Variants in SEMA5A observed in about 807,000 individuals in gnomAD.
SEMA5A encodes semaphorin 5A.
A neutral mutation model predicts 135.5 loss-of-function variants in SEMA5A; 55 were observed. The observed-to-expected ratio is 0.41, with a 90% CI of 0.33 to 0.51. SEMA5A has a LOEUF of 0.51. SEMA5A is among the 20% of genes least tolerant of loss of function. SEMA5A has a pLI of 0.37. For synonymous variants in SEMA5A, 580 were observed against 546.5 expected, an observed-to-expected ratio of 1.06 and a Z score of -0.85; for missense variants, 1,290 against 1,419.9, an observed-to-expected ratio of 0.91 and a Z score of 1.47.
At chr5:9,485,619 C>T (rs185812549) in intron 1 of SEMA5A, among the ~76,000 whole-genome samples, 42 of 152,270 alleles carry the variant, frequency 2.8e-4, no homozygotes, top group African/African-American at 7.2e-4. Flanking sequence ...CCAGGGTGAC[C>T]GCTTGGGCTA....
At chr5:9,139,477 T>C (rs1442148833) in intron 12 of SEMA5A, among the ~76,000 whole-genome samples, 1 of 152,222 alleles carries the variant, frequency 6.6e-6, no homozygotes, top group East Asian at 1.9e-4. Flanking sequence ...TTCCCAATTG[T>C]CTGTTTTCAT....
In SEMA5A at chr5:9,042,960, A is replaced by G; in HGVS notation, c.3162T>C (p.His1054=). ...LEERNKYFNP[H]LTGKTYSNAY... ...CATTAGAATAGGTCTTCCCAGTGAG[A>G]TGTGGGTTGAAGTATTTGTTTCTTT... is the stretch of plus-strand genomic sequence containing the variant. The change falls in exon 23 of 23, where the codon CAT becomes CAC. Residue 1054 remains histidine, a synonymous_variant. Transcript: ENST00000382496. The G allele has an allele frequency of 6.2e-7, 1 of 1,612,742 alleles. No homozygotes were observed. The highest frequency in any genetic ancestry group is 1.1e-5 in the South Asian group (1 of 91,048).
At chr5:9,357,941 G>A (rs1264321738) in intron 3 of SEMA5A, among the ~76,000 whole-genome samples, 1 of 152,230 alleles carries the variant, frequency 6.6e-6, no homozygotes, top group African/African-American at 2.4e-5. Flanking sequence ...CAGGAATTAT[G>A]ATCAGTGCAT....
At chr5:9,512,998 G>A (rs1488715471) in intron 1 of SEMA5A, among the ~76,000 whole-genome samples, 1 of 150,834 alleles carries the variant, frequency 6.6e-6, no homozygotes, top group Non-Finnish European at 1.5e-5. Flanking sequence ...AGAATAAAAG[G>A]AAGCCAAATC....
At chr5:9,136,405 G>A (rs1020714978) in intron 13 of SEMA5A, 99 bp downstream of exon 13, 25 of 1,009,158 alleles carry the variant, frequency 2.5e-5, no homozygotes, top group African/African-American at 4.7e-5. Flanking sequence ...GTTCTCATAT[G>A]AAAAGGTGCA....
chr5:9,408,222 C>A lies in SEMA5A; in HGVS notation c.-77-28199G>T, dbSNP rs764730711. Among the ~76,000 whole-genome samples, 36 of 152,148 alleles carry A rather than the reference C, an allele frequency of 2.4e-4. 1 individual carries two copies. The highest frequency in any genetic ancestry group is 3.7e-4 in the Non-Finnish European group (25 of 68,014). ...ACCATCACCACCACCACCACTACAG[C>A]TAGCTAGAAGTCTCACTCTCCACAG... On this transcript the variant is annotated intron_variant, in intron 2 of 22. Transcript: ENST00000382496.
intron 4 of SEMA5A, among the ~76,000 whole-genome samples, chr5:9,332,781 T>G (rs1753212108): frequency 6.6e-6 from 1 of 152,272 alleles, no homozygotes. Flanking sequence ...CTTAATGTTC[T>G]CATTTTGTGA....
intron 2 of SEMA5A, among the ~76,000 whole-genome samples, chr5:9,417,907 G>C (rs1393202518): frequency 1.3e-5 from 2 of 152,110 alleles, no homozygotes; most frequent in African/African-American, 4.8e-5. Flanking sequence ...TTCCTGGTTT[G>C]GAGGTGGTGT....
At position 9,042,211 on chromosome 5, in the gene SEMA5A, C is replaced by T. The variant is rs1298207731; in HGVS notation, c.*686G>A. The T allele has an allele frequency of 6.6e-6, 1 of 152,634 alleles. No individual in the cohort carries two copies. Among genetic ancestry groups the T allele is most frequent in the African/African-American group, 2.4e-5 (1 of 41,470 alleles). The allele number at this position is 152,634 out of a possible 1,614,324, so 9.5% of individuals were successfully genotyped here. ...CAGAACACATCCACGCTTCATTGTG[C>T]CTGAGCCTCTGCTCCGCTGCCTCCA... is the stretch of plus-strand genomic sequence containing the variant. On this transcript the variant is annotated 3_prime_UTR_variant, in exon 23 of 23. Transcript: ENST00000382496.
intron 8 of SEMA5A, among the ~76,000 whole-genome samples, chr5:9,222,965 A>G (rs77648454): frequency 6.6e-6 from 1 of 152,344 alleles, no homozygotes; most frequent in East Asian, 1.9e-4. Flanking sequence ...GCAAATGCTA[A>G]TTACAAAGCT....
At chr5:9,049,788 T>A (rs1013794616) in intron 21 of SEMA5A, among the ~76,000 whole-genome samples, 1 of 152,222 alleles carries the variant, frequency 6.6e-6, no homozygotes, top group Non-Finnish European at 1.5e-5. Context: ...TATGGGTATA[T>A]GTAAGGCACA....
chr5:9,367,025 C>A (rs1754945959), intron 3 of SEMA5A, among the ~76,000 whole-genome samples: 2 of 152,090 alleles, frequency 1.3e-5, no homozygotes, highest in African/African-American at 4.8e-5. Context: ...AGAGAGGAGG[C>A]CAAGGCACAT....
chr5:9,417,463 C>A (rs530130091), intron 2 of SEMA5A, among the ~76,000 whole-genome samples: 2 of 152,354 alleles, frequency 1.3e-5, no homozygotes, highest in East Asian at 3.9e-4. Context: ...CTATCCATAT[C>A]TTTTGATAGT....
chr5:9,317,337 C>T (rs577671348), intron 5 of SEMA5A, among the ~76,000 whole-genome samples: 19 of 152,112 alleles, frequency 1.2e-4, no homozygotes, highest in East Asian at 7.7e-4. Flanking sequence ...ACTTATTTTT[C>T]GCCATGCTAG....
intron 1 of SEMA5A, among the ~76,000 whole-genome samples, chr5:9,444,038 G>A (rs1325337540): frequency 3.9e-5 from 6 of 152,168 alleles, no homozygotes; most frequent in South Asian, 4.1e-4. Flanking sequence ...CAAGTCCATT[G>A]AGACTCCCAA....
chr5:9,184,110 TGTGA>T (rs1264759345), intron 11 of SEMA5A, among the ~76,000 whole-genome samples: 1 of 149,724 alleles, frequency 6.7e-6, no homozygotes, highest in Admixed American at 6.7e-5. Context: ...TTTTCATTTT[TGTGA>T]GTGTCTGTTT....
intron 16 of SEMA5A, among the ~76,000 whole-genome samples, chr5:9,106,757 T>C (rs894339119): frequency 1.3e-5 from 2 of 152,252 alleles, no homozygotes; most frequent in African/African-American, 4.8e-5. Context: ...TAGTTTTAAA[T>C]GTCAGCATCT....
chr5:9,084,413 C>A (rs1482678923), intron 16 of SEMA5A, among the ~76,000 whole-genome samples: 1 of 152,152 alleles, frequency 6.6e-6, no homozygotes, highest in African/African-American at 2.4e-5. Context: ...CATCTTGTAG[C>A]TCCCATAATT....
At chr5:9,043,664 G>GGTTA (rs1373107763) in intron 22 of SEMA5A, among the ~76,000 whole-genome samples, 4 of 152,198 alleles carry the variant, frequency 2.6e-5, no homozygotes, top group African/African-American at 9.7e-5. Context: ...ATCTGTCCAG[G>GGTTA]GTTAGTCTGG....
Sources: gnomAD v4.1 joint callset for allele counts (sites outside exome capture counted in the v4.1 genomes callset) on GRCh38, gnomAD v4.1.1 for gene constraint, MANE v1.5 for transcripts, NCBI Gene and HGNC (gene_info 2026-07-23, HGNC 2026-07-21) for gene names.